Variants in USP34 observed in about 807,000 individuals in gnomAD.
USP34 encodes ubiquitin carboxyl-terminal hydrolase 34.
In USP34, 70 loss-of-function variants were observed where a neutral mutation model predicts 460.3. The ratio of observed to expected loss-of-function variants is 0.15; its 90% confidence interval spans 0.13 to 0.19. The LOEUF (loss-of-function observed/expected upper bound fraction) is 0.19, where lower values mean the gene tolerates loss of function less well. USP34 is among the 10% of genes least tolerant of loss of function. USP34 has a pLI of 1.00. For missense variants in USP34, 3,985 were observed against 4,236.2 expected, an observed-to-expected ratio of 0.94 and a Z score of 1.65; for synonymous variants, 1,647 against 1,405.3, an observed-to-expected ratio of 1.17 and a Z score of -3.85.
chr2:61,312,428 G>A (rs955939823), intron 25 of USP34, among the ~76,000 whole-genome samples: 1 of 151,118 alleles, frequency 6.6e-6, no homozygotes. Context: ...AAAGGAAACA[G>A]GCACCTAGCA....
chr2:61,412,443 G>A (rs997530145), intron 2 of USP34, among the ~76,000 whole-genome samples: 3 of 151,898 alleles, frequency 2.0e-5, no homozygotes, highest in Admixed American at 6.6e-5. Flanking sequence ...TCAGAGCACT[G>A]TAATGTATGC....
intron 41 of USP34, among the ~76,000 whole-genome samples, chr2:61,270,082 A>G (rs1466642711): frequency 2.0e-5 from 3 of 152,244 alleles, no homozygotes; most frequent in African/African-American, 7.2e-5. Context: ...CTAAAATTAC[A>G]AAAGTAATTG....
intron 2 of USP34, among the ~76,000 whole-genome samples, chr2:61,419,742 CACA>C (rs1223746617): frequency 2.0e-5 from 3 of 152,148 alleles, no homozygotes; most frequent in African/African-American, 2.4e-5. Flanking sequence ...ATGACTCAGA[CACA>C]ACATTTCTCA....
chr2:61,213,293 A>T (rs1419101565), intron 68 of USP34, among the ~76,000 whole-genome samples: 1 of 152,132 alleles, frequency 6.6e-6, no homozygotes, highest in African/African-American at 2.4e-5. Flanking sequence ...TACAGGTGTG[A>T]GCCACTATGC....
intron 37 of USP34, among the ~76,000 whole-genome samples, chr2:61,282,045 A>T (rs1328111355): frequency 1.3e-5 from 2 of 152,176 alleles, no homozygotes; most frequent in Non-Finnish European, 2.9e-5. Context: ...GCTGGAGTGC[A>T]GTGGTGCGAT....
At chr2:61,239,300 TCACACACACACACA>T (rs60152908) in intron 53 of USP34, among the ~76,000 whole-genome samples, 12,640 of 132,754 alleles carry the variant, frequency 0.095, 690 homozygotes, top group Non-Finnish European at 0.13. Context: ...GAGGGCCCTG[TCACACACACACACA>T]CACACACACA....
At chr2:61,344,088 C>A in intron 15 of USP34, 59 bp from the exon 16 acceptor site, 2 of 1,520,718 alleles carry the variant, frequency 1.3e-6, no homozygotes, top group South Asian at 1.2e-5. Context: ...AATTTGTGAA[C>A]CACAAAAAAT....
At chr2:61,282,803 A>G (rs946089872) in intron 37 of USP34, among the ~76,000 whole-genome samples, 2 of 152,042 alleles carry the variant, frequency 1.3e-5, no homozygotes, top group Admixed American at 6.6e-5. Context: ...TCTCAAAGAA[A>G]GAAAAAAAAA....
intron 6 of USP34, among the ~76,000 whole-genome samples, chr2:61,381,144 A>G (rs895684109): frequency 8.6e-5 from 13 of 151,592 alleles, no homozygotes; most frequent in Non-Finnish European, 1.8e-4. Flanking sequence ...CCTTCCCTCC[A>G]CTATTGTCCT....
chr2:61,454,111 G>A (rs1458605614), intron 1 of USP34, among the ~76,000 whole-genome samples: 2 of 152,126 alleles, frequency 1.3e-5, no homozygotes, highest in Non-Finnish European at 2.9e-5. Flanking sequence ...GATTTCTACA[G>A]TGATTAAATT....
At chr2:61,468,371 C>T (rs1229246397) in intron 1 of USP34, among the ~76,000 whole-genome samples, 6 of 152,120 alleles carry the variant, frequency 3.9e-5, no homozygotes, top group African/African-American at 1.2e-4. Context: ...TGAGTAGAGA[C>T]GGGGTTTCTC....
chr2:61,190,482 A>C (rs777591), intron 77 of USP34, 36 bp downstream of exon 77: 1 of 1,604,268 alleles, frequency 6.2e-7, no homozygotes, highest in Non-Finnish European at 8.5e-7. Flanking sequence ...TTAACTAATT[A>C]GAAATGACAC....
intron 75 of USP34, among the ~76,000 whole-genome samples, chr2:61,195,304 GA>G (rs1210614294): frequency 6.6e-6 from 1 of 150,392 alleles, no homozygotes; most frequent in Non-Finnish European, 1.5e-5. Context: ...ATTGGCCTTT[GA>G]AAGTGCTGGG....
At chr2:61,300,853 A>G (rs1690197342) in intron 29 of USP34, 98 bp downstream of exon 29, 2 of 810,980 alleles carry the variant, frequency 2.5e-6, no homozygotes, top group Non-Finnish European at 3.6e-6. Context: ...AAATTATTAT[A>G]TACTTTATAA....
chr2:61,258,338 G>C (rs1427318007), intron 44 of USP34, among the ~76,000 whole-genome samples: 1 of 152,016 alleles, frequency 6.6e-6, no homozygotes, highest in Non-Finnish European at 1.5e-5. Context: ...AATAAAAATA[G>C]TCAAAAATAC....
chr2:61,235,965 A>G, intron 56 of USP34, 55 bp from the exon 57 acceptor site: 1 of 1,597,624 alleles, frequency 6.3e-7, no homozygotes, highest in Non-Finnish European at 8.5e-7. Context: ...CAATAACAAA[A>G]ACCAAAAGAT....
At chr2:61,423,883 G>C (rs569242457) in intron 1 of USP34, among the ~76,000 whole-genome samples, 1 of 152,298 alleles carries the variant, frequency 6.6e-6, no homozygotes, top group African/African-American at 2.4e-5. Flanking sequence ...CTTGAGTCCA[G>C]AAGTTCAACG....
intron 3 of USP34, among the ~76,000 whole-genome samples, chr2:61,400,710 G>T (rs1693690974): frequency 6.6e-6 from 1 of 151,994 alleles, no homozygotes; most frequent in East Asian, 1.9e-4. Flanking sequence ...AACTAGCTAG[G>T]CATGGTGGCA....
At chr2:61,253,794 G>A (rs566088847) in intron 48 of USP34, among the ~76,000 whole-genome samples, 15 of 151,796 alleles carry the variant, frequency 9.9e-5, no homozygotes, top group African/African-American at 3.4e-4. Context: ...GAGTGCAGGG[G>A]CATGGTCTTG....
Sources: allele counts gnomAD v4.1 joint callset (sites outside exome capture counted in the v4.1 genomes callset), GRCh38; gene constraint gnomAD v4.1.1; transcripts MANE v1.5; gene names NCBI Gene and HGNC (gene_info 2026-07-23, HGNC 2026-07-21).